Variants in SEMA3A observed in about 807,000 individuals in gnomAD.
The protein encoded by SEMA3A is semaphorin 3A.
A neutral mutation model predicts 97.9 loss-of-function variants in SEMA3A; 29 were observed. That is an observed-to-expected ratio of 0.30 (90% confidence interval 0.22 to 0.40). The LOEUF is 0.40. Ranked by LOEUF, SEMA3A falls within the 10% of genes least tolerant of loss-of-function variation. The pLI, the probability that SEMA3A is intolerant of heterozygous loss-of-function variation, is 1.00. For synonymous variants in SEMA3A, 321 were observed against 323.7 expected (o/e 0.99, Z 0.09); for missense variants, 763 against 951.3 (o/e 0.80, Z 2.60).
At chr7:84,463,386 C>T (rs895800989) in intron 1 of SEMA3A, among the ~76,000 whole-genome samples, 37 of 151,304 alleles carry the variant, frequency 2.4e-4, no homozygotes, top group Middle Eastern at 3.4e-3. Flanking sequence ...GTAGCTGGGA[C>T]TACAGGCACC....
At chr7:84,407,490 T>C (rs1374927043) in intron 1 of SEMA3A, among the ~76,000 whole-genome samples, 2 of 152,058 alleles carry the variant, frequency 1.3e-5, no homozygotes, top group South Asian at 2.1e-4. Flanking sequence ...ATAGATTCAA[T>C]GCCATCCACA....
At chr7:84,366,211 C>T (rs1261967007) in intron 2 of SEMA3A, among the ~76,000 whole-genome samples, 1 of 151,222 alleles carries the variant, frequency 6.6e-6, no homozygotes, top group Admixed American at 6.6e-5. Flanking sequence ...TGTTAGCCAA[C>T]ATAGTACACT....
intron 6 of SEMA3A, among the ~76,000 whole-genome samples, chr7:84,039,079 A>G (rs1792041264): frequency 6.6e-6 from 1 of 152,176 alleles, no homozygotes; most frequent in African/African-American, 2.4e-5. Context: ...AATTTACTAA[A>G]TATGTATTGT....
intron 2 of SEMA3A, among the ~76,000 whole-genome samples, chr7:84,352,616 C>A (rs778894235): frequency 1.3e-4 from 19 of 151,718 alleles, no homozygotes; most frequent in Non-Finnish European, 2.2e-4. Context: ...AAACTATTTG[C>A]CCATATAGTC....
Position 83,972,226 on chromosome 7 carries a change from T to C in SEMA3A, c.1717+4906A>G, listed in dbSNP as rs551503146. Among the ~76,000 whole-genome samples, 256 of 152,052 alleles carry C rather than the reference T, an allele frequency of 1.7e-3. 2 individuals are homozygous for C. The Middle Eastern group carries it at 0.027, about 16-fold the overall frequency. On this transcript the variant is annotated intron_variant, in intron 15 of 16. Coordinates refer to ENST00000265362, the MANE Select transcript of SEMA3A (RefSeq NM_006080.3). Reference sequence around the variant, plus strand: ...AGATGATTAATTTGAAATATGATAATAAAATTTGCTGTGTGGCTTCAAAGT... The same window carrying C: ...AGATGATTAATTTGAAATATGATAACAAAATTTGCTGTGTGGCTTCAAAGT...
intron 6 of SEMA3A, among the ~76,000 whole-genome samples, chr7:84,021,788 C>T (rs1220333535): frequency 2.6e-5 from 4 of 152,046 alleles, no homozygotes; most frequent in African/African-American, 7.2e-5. Flanking sequence ...TTGGTAGGTT[C>T]TTTTGAAAGA....
intron 1 of SEMA3A, among the ~76,000 whole-genome samples, chr7:84,137,486 TA>T (rs1166776466): frequency 6.8e-6 from 1 of 148,060 alleles, no homozygotes; most frequent in African/African-American, 2.5e-5. Context: ...CCAGAGTCAA[TA>T]AAAGTCTGAA....
At position 84,411,567 on chromosome 7, in the gene SEMA3A, TTATA is replaced by T. The variant is rs60469024; in HGVS notation, c.-245-39671_-245-39668del. On this transcript the variant is annotated intron_variant, in intron 1 of 3. Transcript: ENST00000424555. ...TTAAAATATTGACATTTGGGTATAATTATATATATATATATTCATATTCTAGTAT... is the reference window on the plus strand; with the variant it reads ...TTAAAATATTGACATTTGGGTATAATTATATATATATTCATATTCTAGTAT... 2.0e-5 allele frequency among the ~76,000 whole-genome samples: 3 copies of T among 149,176 alleles called. No homozygotes were observed. In the Admixed American group the frequency reaches 2.0e-4, roughly 10 times the overall value.
chr7:84,123,786 T>TTA (rs922084349), intron 3 of SEMA3A, among the ~76,000 whole-genome samples: 27 of 148,686 alleles, frequency 1.8e-4, no homozygotes, highest in South Asian at 1.1e-3. Context: ...TCTGATAACC[T>TTA]TATATATATA....
At chr7:84,094,707 C>CTGTTAGATAAATTATTAGA (rs1421138021) in intron 4 of SEMA3A, among the ~76,000 whole-genome samples, 4 of 152,180 alleles carry the variant, frequency 2.6e-5, no homozygotes, top group Admixed American at 2.6e-4. Context: ...CCGCTAACAA[C>CTGTTAGATAAATTATTAGA]TAAAACACAC....
intron 1 of SEMA3A, among the ~76,000 whole-genome samples, chr7:84,151,520 C>G (rs973402274): frequency 2.1e-4 from 32 of 151,466 alleles, no homozygotes; most frequent in Non-Finnish European, 4.7e-4. Context: ...TGAAATGAAG[C>G]GAGAAGGGAA....
intron 3 of SEMA3A, among the ~76,000 whole-genome samples, chr7:84,285,564 A>G (rs1448686026): frequency 6.6e-6 from 1 of 152,196 alleles, no homozygotes; most frequent in Non-Finnish European, 1.5e-5. Context: ...TTCAAGCATA[A>G]TAAATCTTTA....
chr7:83,974,610 G>A (rs1175558725), intron 15 of SEMA3A, among the ~76,000 whole-genome samples: 1 of 152,084 alleles, frequency 6.6e-6, no homozygotes, highest in Non-Finnish European at 1.5e-5. Context: ...CTGGGCTCCG[G>A]ATTTTTGCCC....
At chr7:84,375,234 G>C (rs1285966037) in intron 1 of SEMA3A, among the ~76,000 whole-genome samples, 6 of 152,066 alleles carry the variant, frequency 3.9e-5, no homozygotes, top group Non-Finnish European at 8.8e-5. Flanking sequence ...TGGCTAGGCT[G>C]ATCTCGAACT....
intron 7 of SEMA3A, 70 bp downstream of exon 7, chr7:84,014,139 A>G: frequency 7.5e-7 from 1 of 1,342,044 alleles, no homozygotes; most frequent in Non-Finnish European, 1.0e-6. Flanking sequence ...GCACACAGGT[A>G]GAAAATTTTA....
intron 3 of SEMA3A, among the ~76,000 whole-genome samples, chr7:84,203,821 A>G (rs944596864): frequency 2.6e-5 from 4 of 151,982 alleles, no homozygotes; most frequent in African/African-American, 7.2e-5. Context: ...GTGAGCCACA[A>G]CACCTGGCCT....
intron 1 of SEMA3A, among the ~76,000 whole-genome samples, chr7:84,373,333 A>C (rs1449389986): frequency 1.3e-5 from 2 of 152,214 alleles, no homozygotes; most frequent in African/African-American, 4.8e-5. Flanking sequence ...TCAGTCATCT[A>C]CAACCTTGCC....
At position 83,977,116 on chromosome 7, in the gene SEMA3A, GA is replaced by G; in HGVS notation, c.1717+15del. On this transcript the variant is annotated intron_variant, in intron 15 of 16. Coordinates refer to ENST00000265362, the MANE Select transcript of SEMA3A (RefSeq NM_006080.3). ...GCCTGGTCTTAGCAGGTTGAAAGAT[GA>G]AAAATGTGACTTACCATGGTGTAAG... 3 of 1,506,664 alleles carry G rather than the reference GA, an allele frequency of 2.0e-6. No individual in the cohort carries two copies. The highest frequency in any genetic ancestry group is 2.6e-5 in the South Asian group (2 of 75,528). 93.3% of individuals were successfully genotyped at this position (1,506,664 alleles called of 1,614,324 possible). A position where few individuals can be genotyped will look rare whatever the true frequency, so the allele number is the denominator to read the frequency against.
chr7:84,175,396 A>C (rs1289099008), intron 1 of SEMA3A, among the ~76,000 whole-genome samples: 6 of 152,230 alleles, frequency 3.9e-5, no homozygotes, highest in Non-Finnish European at 7.3e-5. Context: ...AATTGTTTTA[A>C]AGCTAACCTT....
Sources: allele counts gnomAD v4.1 joint callset (sites outside exome capture counted in the v4.1 genomes callset), GRCh38; gene constraint gnomAD v4.1.1; transcripts MANE v1.5; gene names NCBI Gene and HGNC (gene_info 2026-07-23, HGNC 2026-07-21).